MAP2K7: variants seen among roughly 807,000 people sequenced by gnomAD.
MAP2K7 encodes mitogen-activated protein kinase kinase 7, also known as dual specificity mitogen-activated protein kinase kinase 7.
MAP2K7 carries 12 observed loss-of-function variants against 47.7 expected under a neutral mutation model. That is an observed-to-expected ratio of 0.25 (90% CI 0.16 to 0.41). MAP2K7 has a LOEUF of 0.41. Among genes scored for constraint, MAP2K7 ranks in the 10% least tolerant of loss-of-function variants. The pLI is 1.00. For synonymous variants in MAP2K7, 299 were observed against 243.0 expected (o/e 1.23, Z -2.14); for missense variants, 415 against 600.3 (o/e 0.69, Z 3.23).
At chr19:7,911,905 C>T (rs1421029184) in intron 9 of MAP2K7, among the ~76,000 whole-genome samples, 5 of 152,158 alleles carry the variant, frequency 3.3e-5, no homozygotes, top group Non-Finnish European at 7.4e-5. Context: ...ACCCACCTTT[C>T]TGGGGGACCT....
intron 2 of MAP2K7, 78 bp downstream of exon 2, chr19:7,909,974 T>G: frequency 6.6e-7 from 1 of 1,509,092 alleles, no homozygotes; most frequent in Non-Finnish European, 8.9e-7. Flanking sequence ...GGAGGGTGGT[T>G]AAACCGGTGG....
chr19:7,903,975 T>C lies in MAP2K7; in HGVS notation c.31T>C (p.Ser11Pro). Residue 11 changes from serine to proline, a missense_variant, in exon 1 of 11, where the codon TCC (serine) becomes CCC (proline). Physicochemically the swap from Ser to Pro is moderately conservative, Grantham distance 74. Around this residue, in one of 3 missense-constraint regions of MAP2K7, gnomAD observed 115 missense variants for 126.2 expected, o/e 0.91. Transcript: ENST00000397979. MAASSLEQKLSRLEAKLKQEN... is the reference protein window; with the variant it reads MAASSLEQKLPRLEAKLKQEN... ...GGCGTCCTCCCTGGAACAGAAGCTG[T>C]CCCGCCTGGAAGCAAAGCTGAAGCA... The C allele has an allele frequency of 6.4e-7, 1 of 1,551,802 alleles. No homozygotes were observed. Among genetic ancestry groups the C allele is most frequent in the Non-Finnish European group, 8.7e-7 (1 of 1,150,272 alleles).
In MAP2K7 at chr19:7,912,622, C is replaced by G. The variant is rs1982974984; in HGVS notation, c.*191C>G. ...CTACCAAGCCCCCGCCCTTCCCACC[C>G]CGGGGTCAGCCGGCCGTGTGCGTCC... On this transcript the variant is annotated 3_prime_UTR_variant, in exon 11 of 11. Transcript: ENST00000397979. 1.5e-6 allele frequency: 1 copy of G among 649,376 alleles called. No homozygotes were observed. The highest frequency in any genetic ancestry group is 3.0e-5 in the Admixed American group (1 of 32,872). 40.2% of individuals were successfully genotyped at this position (649,376 alleles called of 1,614,324 possible). A position where few individuals can be genotyped will look rare whatever the true frequency, so the allele number is the denominator to read the frequency against.
intron 1 of MAP2K7, among the ~76,000 whole-genome samples, chr19:7,905,184 TTC>T (rs772752142): frequency 1.3e-5 from 2 of 152,190 alleles, no homozygotes; most frequent in Admixed American, 6.5e-5. Flanking sequence ...CCCAGTAAAA[TTC>T]TCTCTTGTCT....
At chr19:7,908,230 G>T (rs942469039) in intron 1 of MAP2K7, among the ~76,000 whole-genome samples, 3 of 152,108 alleles carry the variant, frequency 2.0e-5, no homozygotes, top group Non-Finnish European at 4.4e-5. Flanking sequence ...AGGACAGCGG[G>T]AGGGGCACGG....
At position 7,912,345 on chromosome 19, in the gene MAP2K7, T is replaced by C. The variant is rs1982939079; in HGVS notation, c.1174T>C (p.Ser392Pro). ...CGAGACGCTGGAGGTGGACGTGGCG[T>C]CCTGGTTCAAGGATGTCATGGCGAA... ...RYETLEVDVA[S>P]WFKDVMAKTE... is the part of the protein sequence containing the mutation. Residue 392 changes from serine (S) to proline (P), a missense_variant, in exon 11 of 11, where the codon TCC (serine) becomes CCC (proline). Ser to Pro is a moderately conservative substitution (Grantham distance 74). Around this residue, in one of 3 missense-constraint regions of MAP2K7, gnomAD observed 94 missense variants for 105.2 expected, o/e 0.89. Transcript: ENST00000397979. 1 of 1,613,226 alleles carries C rather than the reference T, an allele frequency of 6.2e-7. No individual in the cohort carries two copies. The highest frequency in any genetic ancestry group is 1.7e-5 in the Admixed American group (1 of 59,972).
chr19:7,910,588 C>T lies in MAP2K7; in HGVS notation c.567+16C>T, dbSNP rs753725899. ...CATCACCAACGTGAGTACCTGGCCG[C>T]GCCCTGCAGCGTCTCCTCCTCCCTC... On this transcript the variant is annotated intron_variant, in intron 5 of 10. Coordinates refer to ENST00000397979, the MANE Select transcript of MAP2K7 (RefSeq NM_145185.4). The T allele has an allele frequency of 4.6e-5, 75 of 1,613,148 alleles. No individual in the cohort carries two copies. The highest frequency in any genetic ancestry group is 1.1e-4 in the South Asian group (10 of 91,084).
intron 1 of MAP2K7, 124 bp downstream of exon 1, chr19:7,904,192 C>G (rs1252581621): frequency 2.3e-5 from 19 of 813,890 alleles, no homozygotes; most frequent in Admixed American, 5.1e-5. Context: ...CTCCGCCCCC[C>G]CCGCTGCGGG....
intron 2 of MAP2K7, 27 bp downstream of exon 2, chr19:7,909,923 G>T (rs767803886): frequency 6.7e-7 from 1 of 1,503,150 alleles, no homozygotes; most frequent in South Asian, 1.3e-5. Flanking sequence ...GCAGGGTTGG[G>T]TGGGAAGCAG....
chr19:7,911,664 C>A (rs1982881929), intron 9 of MAP2K7, 86 bp downstream of exon 9: 1 of 1,360,438 alleles, frequency 7.4e-7, no homozygotes, highest in African/African-American at 1.5e-5. Flanking sequence ...GGAATGGAGG[C>A]CGCACCCTGG....
rs771496123 is a variant in MAP2K7, at chr19:7,911,191, TG to T, written c.855+37del. ...GGGGGCCCCCCAGCGGGGGAGGGGG[TG>T]GGGGCTGGGAGGCCGGCCCCAGCCT... On this transcript the variant is annotated intron_variant, in intron 7 of 10. Transcript: ENST00000397979. The T allele has an allele frequency of 9.5e-5, 146 of 1,534,228 alleles. 2 individuals carry two copies. The highest frequency in any genetic ancestry group is 3.1e-4 in the South Asian group (28 of 89,092).
chr19:7,912,254 G>T, intron 10 of MAP2K7, 43 bp from the exon 11 acceptor site: 1 of 1,613,564 alleles, frequency 6.2e-7, no homozygotes, highest in Non-Finnish European at 8.5e-7. Flanking sequence ...AGGCCAGGAG[G>T]GAAGACCGTC....
rs568244054 is a variant in MAP2K7 at position 7,907,563 on chromosome 19, C to T, written c.125-2192C>T. Among the ~76,000 whole-genome samples the T allele has an allele frequency of 3.3e-5, 5 of 152,326 alleles. No individual in the cohort carries two copies. The South Asian group carries it at 1.0e-3, about 32-fold the overall frequency. Reference sequence around the variant, plus strand: ...CCACCCTCCTGAGCTGCCATGTGGCCATCACCACCTCTGTGGCCTCTGTTC... The same window carrying T: ...CCACCCTCCTGAGCTGCCATGTGGCTATCACCACCTCTGTGGCCTCTGTTC... On this transcript the variant is annotated intron_variant, in intron 1 of 10. Coordinates refer to ENST00000397979, the MANE Select transcript of MAP2K7 (RefSeq NM_145185.4).
At position 7,912,423 on chromosome 19, in the gene MAP2K7, T is replaced by G; in HGVS notation, c.1252T>G (p.Phe418Val). 4 of 1,611,732 alleles carry G rather than the reference T, an allele frequency of 2.5e-6. No individual in the cohort carries two copies. In the South Asian group the frequency reaches 4.4e-5, roughly 18 times the overall value. ...CCTGAGCCAGCCCCACCTGCCCTTC[T>G]TCAGGTAGCTGCTTGGCGGCGGCCA... is the stretch of plus-strand genomic sequence containing the variant. The part of the protein sequence containing the change: ...GVLSQPHLPF[F>V]R Residue 418 changes from phenylalanine to valine, a missense_variant, in exon 11 of 11, where the codon TTC becomes GTC. Physicochemically the swap from Phe to Val is conservative, Grantham distance 50 (BLOSUM62 -1). Around this residue, in one of 3 missense-constraint regions of MAP2K7, gnomAD observed 94 missense variants for 105.2 expected, o/e 0.89. Coordinates refer to ENST00000397979, the MANE Select transcript of MAP2K7 (RefSeq NM_145185.4).
In MAP2K7 at chr19:7,914,430, G is replaced by A. The variant is rs371727420; in HGVS notation, c.*1999G>A. The A allele has an allele frequency of 6.6e-6, 1 of 152,264 alleles. No individual in the cohort carries two copies. The highest frequency in any genetic ancestry group is 6.5e-5 in the Admixed American group (1 of 15,288). The allele number at this position is 152,264 out of a possible 1,614,324, so 9.4% of individuals were successfully genotyped here. A position where few individuals can be genotyped will look rare whatever the true frequency, so the allele number is the denominator to read the frequency against. On this transcript the variant is annotated 3_prime_UTR_variant, in exon 11 of 11. Coordinates refer to ENST00000397979, the MANE Select transcript of MAP2K7 (RefSeq NM_145185.4). The stretch of plus-strand genomic sequence containing the variant: ...CCCCTTTTTAAAACAAAATGCCCTC[G>A]TTTGTAAACCCTTAGACGCTTGAGA...
At chr19:7,907,288 T>A (rs1261720345) in intron 1 of MAP2K7, among the ~76,000 whole-genome samples, 1 of 151,458 alleles carries the variant, frequency 6.6e-6, no homozygotes, top group Non-Finnish European at 1.5e-5. Context: ...GTAGATGGGG[T>A]GCCTGGCCCT....
chr19:7,903,916 G>T lies in MAP2K7; in HGVS notation c.-29G>T. On this transcript the variant is annotated 5_prime_UTR_variant, in exon 1 of 11. Coordinates refer to ENST00000397979, the MANE Select transcript of MAP2K7 (RefSeq NM_145185.4). ...CTGCCGGACTGACGGGCGGCCGGGC[G>T]GTGCGCGGCGGCGGTGGCGGCGGGG... is the stretch of plus-strand genomic sequence containing the variant. 6.7e-7 allele frequency: 1 copy of T among 1,482,838 alleles called. No homozygotes were observed. 91.9% of individuals were successfully genotyped at this position (1,482,838 alleles called of 1,614,324 possible).
rs1266252833 is a variant in MAP2K7 at position 7,913,158 on chromosome 19, C to G, written c.*727C>G. On this transcript the variant is annotated 3_prime_UTR_variant, in exon 11 of 11. Transcript: ENST00000397979. ...GTGGGGGCGGAGGAGAGCTTGTTCT[C>G]GTGGGGTTGTCGGTACCTTCAGAAA... is the stretch of plus-strand genomic sequence containing the variant. 1 of 152,206 alleles carries G rather than the reference C, an allele frequency of 6.6e-6. No homozygotes were observed. Among genetic ancestry groups the G allele is most frequent in the Admixed American group, 6.6e-5 (1 of 15,260 alleles). 9.4% of individuals were successfully genotyped at this position (152,206 alleles called of 1,614,324 possible). A position where few individuals can be genotyped will look rare whatever the true frequency, so the allele number is the denominator to read the frequency against.
At chr19:7,906,180 C>T (rs1184640084) in intron 1 of MAP2K7, 3 of 360,090 alleles carry the variant, frequency 8.3e-6, no homozygotes, top group East Asian at 4.9e-5. Context: ...ACTGAGAGAA[C>T]GAGAAAGTTG....
Sources: allele counts gnomAD v4.1 joint callset (sites outside exome capture counted in the v4.1 genomes callset), GRCh38; gene constraint gnomAD v4.1.1; regional missense constraint gnomAD v4.1.1; transcripts MANE v1.5; gene names NCBI Gene and HGNC (gene_info 2026-07-23, HGNC 2026-07-21).